The following EIF4G3 variants were observed in gnomAD, a reference collection of about 807,000 sequenced individuals.
The protein encoded by EIF4G3 is eIF-4-gamma 3.
In EIF4G3, 34 loss-of-function variants were observed where a neutral mutation model predicts 186.4. The observed-to-expected ratio is 0.18, with a 90% CI of 0.14 to 0.24. The LOEUF (loss-of-function observed/expected upper bound fraction) is 0.24. EIF4G3 is among the 10% of genes least tolerant of loss of function. The probability of loss-of-function intolerance (pLI) is 1.00; values close to 1 mark genes in which losing one functional copy is unlikely to be tolerated. For missense variants in EIF4G3, 1,536 were observed against 1,948.5 expected (o/e 0.79, Z 3.99); for synonymous variants, 673 against 679.5 (o/e 0.99, Z 0.15).
intron 2 of EIF4G3, among the ~76,000 whole-genome samples, chr1:21,173,026 C>T (rs2098017106): frequency 1.3e-5 from 2 of 148,762 alleles, no homozygotes; most frequent in Non-Finnish European, 1.5e-5. Context: ...GTAGTCCCAA[C>T]TACTCAGGAG....
Position 20,865,271 on chromosome 1 carries a change from A to C in EIF4G3, c.2623-9T>G. 1.2e-6 allele frequency: 2 copies of C among 1,607,498 alleles called. No homozygotes were observed. Among genetic ancestry groups the C allele is most frequent in the Non-Finnish European group, 1.7e-6 (2 of 1,178,198 alleles). On this transcript the variant is annotated splice_polypyrimidine_tract_variant and intron_variant, in intron 20 of 36. Transcript: ENST00000602326. Reference sequence around the variant, plus strand: ...GCCATGGGTACTTTCAGCTACATCCAGACAGGAAAATAAAAAAAATCAACA... The same window carrying C: ...GCCATGGGTACTTTCAGCTACATCCCGACAGGAAAATAAAAAAAATCAACA...
intron 19 of EIF4G3, among the ~76,000 whole-genome samples, chr1:20,885,694 T>C (rs1220260181): frequency 6.6e-6 from 1 of 152,212 alleles, no homozygotes; most frequent in Admixed American, 6.5e-5. Context: ...ATTAATTTTG[T>C]GTCAATAAAA....
At chr1:21,128,106 C>T (rs1231290198) in intron 2 of EIF4G3, among the ~76,000 whole-genome samples, 1 of 151,730 alleles carries the variant, frequency 6.6e-6, no homozygotes, top group Non-Finnish European at 1.5e-5. Context: ...ACTCGGGAGG[C>T]TGAGGCAGGA....
chr1:20,973,858 CTTAAGACTA>C (rs1427511374), intron 10 of EIF4G3, among the ~76,000 whole-genome samples: 1 of 152,164 alleles, frequency 6.6e-6, no homozygotes, highest in African/African-American at 2.4e-5. Context: ...ACTTTCAAAA[CTTAAGACTA>C]TTATTATAAT....
chr1:21,142,035 T>C (rs747053269), intron 2 of EIF4G3, among the ~76,000 whole-genome samples: 2 of 152,144 alleles, frequency 1.3e-5, no homozygotes, highest in Non-Finnish European at 2.9e-5. Flanking sequence ...CACTGGCATG[T>C]GCCTATAATC....
chr1:21,054,264 G>C (rs2094454482), intron 3 of EIF4G3, among the ~76,000 whole-genome samples: 1 of 150,592 alleles, frequency 6.6e-6, no homozygotes, highest in African/African-American at 2.4e-5. Flanking sequence ...ACAGATGCTT[G>C]AAGGCAGCAT....
intron 2 of EIF4G3, among the ~76,000 whole-genome samples, chr1:21,096,061 A>C (rs1217082445): frequency 1.3e-5 from 2 of 152,230 alleles, no homozygotes; most frequent in Non-Finnish European, 2.9e-5. Flanking sequence ...CCATATGGCA[A>C]AGCAAAGGCA....
At position 21,143,360 on chromosome 1, in the gene EIF4G3, GAAGGA is replaced by G. The variant is rs201692829; in HGVS notation, c.-272+32810_-272+32814del. 8.4e-3 allele frequency among the ~76,000 whole-genome samples: 1,267 copies of G among 150,796 alleles called. 10 individuals carry two copies. The highest frequency in any genetic ancestry group is 0.014 in the Middle Eastern group (4 of 294). Reference sequence around the variant, plus strand: ...GGAAGAAGGAGAAGAAGGAGAAAGAGAAGGAAAGGAAAGGAAAGGGGAAAAGGAAA... The same window carrying G: ...GGAAGAAGGAGAAGAAGGAGAAAGAGAAGGAAAGGAAAGGGGAAAAGGAAA... On this transcript the variant is annotated intron_variant, in intron 2 of 36. Coordinates refer to ENST00000602326, the MANE Select transcript of EIF4G3 (RefSeq NM_001391906.1).
chr1:20,905,418 T>A (rs2091782744), intron 14 of EIF4G3, among the ~76,000 whole-genome samples: 1 of 152,200 alleles, frequency 6.6e-6, no homozygotes, highest in Non-Finnish European at 1.5e-5. Flanking sequence ...TAAAAAATAA[T>A]ACGCTCAGGA....
intron 12 of EIF4G3, among the ~76,000 whole-genome samples, chr1:20,961,522 C>T (rs2096569831): frequency 6.6e-6 from 1 of 152,180 alleles, no homozygotes; most frequent in South Asian, 2.1e-4. Context: ...GAATTCTTCT[C>T]TGCTAGCTAT....
intron 11 of EIF4G3, among the ~76,000 whole-genome samples, chr1:20,972,534 T>G (rs2076099767): frequency 6.6e-6 from 1 of 152,024 alleles, no homozygotes; most frequent in Non-Finnish European, 1.5e-5. Context: ...CTTGGGAGGC[T>G]GAGGCATGAG....
At chr1:21,133,200 G>A (rs1047817231) in intron 2 of EIF4G3, among the ~76,000 whole-genome samples, 6 of 151,950 alleles carry the variant, frequency 3.9e-5, no homozygotes, top group African/African-American at 1.4e-4. Context: ...ATAGGGCTGG[G>A]TTCAAGCACA....
At chr1:20,915,766 C>A (rs144021862) in intron 14 of EIF4G3, among the ~76,000 whole-genome samples, 1,715 of 152,224 alleles carry the variant, frequency 0.011, 30 homozygotes, top group African/African-American at 0.039. Flanking sequence ...TCATACTTAA[C>A]GGTAAAAGAT....
intron 10 of EIF4G3, among the ~76,000 whole-genome samples, chr1:20,976,198 T>A (rs908298249): frequency 1.3e-5 from 2 of 152,012 alleles, no homozygotes; most frequent in South Asian, 4.1e-4. Flanking sequence ...TATTATACTT[T>A]AAGTTTTAGG....
chr1:21,113,654 T>G (rs2096766887), intron 2 of EIF4G3, among the ~76,000 whole-genome samples: 1 of 152,164 alleles, frequency 6.6e-6, no homozygotes. Context: ...CATTCATTGG[T>G]CACCTGGAAA....
intron 14 of EIF4G3, among the ~76,000 whole-genome samples, chr1:20,926,852 G>A (rs1424372483): frequency 6.6e-6 from 1 of 151,044 alleles, no homozygotes; most frequent in East Asian, 1.9e-4. Flanking sequence ...AAGCTCTCGG[G>A]GATAACAGAA....
At chr1:21,031,048 G>A (rs1483329063) in intron 4 of EIF4G3, among the ~76,000 whole-genome samples, 2 of 151,860 alleles carry the variant, frequency 1.3e-5, no homozygotes, top group African/African-American at 2.4e-5. Context: ...TAGCCAGGCA[G>A]CGTGGCACAT....
intron 14 of EIF4G3, among the ~76,000 whole-genome samples, chr1:20,928,058 A>G (rs923294612): frequency 1.3e-5 from 2 of 151,928 alleles, no homozygotes; most frequent in African/African-American, 4.8e-5. Flanking sequence ...AAAGGTCTCC[A>G]TATGTTGCCC....
intron 2 of EIF4G3, among the ~76,000 whole-genome samples, chr1:21,147,685 A>G (rs1224542278): frequency 1.3e-5 from 2 of 152,184 alleles, no homozygotes; most frequent in Non-Finnish European, 2.9e-5. Context: ...AGCCTAGGAC[A>G]TGAACAAATA....
Sources: allele counts gnomAD v4.1 joint callset (sites outside exome capture counted in the v4.1 genomes callset), GRCh38; gene constraint gnomAD v4.1.1; transcripts MANE v1.5; gene names NCBI Gene and HGNC (gene_info 2026-07-23, HGNC 2026-07-21).